The following CRACD variants were observed in gnomAD, a reference collection of about 807,000 sequenced individuals.
The protein encoded by CRACD is capping protein inhibiting regulator of actin dynamics.
In CRACD, 56 loss-of-function variants were observed where a neutral mutation model predicts 106.8. That is an observed-to-expected ratio of 0.52 (90% confidence interval 0.42 to 0.66). CRACD has a LOEUF of 0.66. Ranked by LOEUF, CRACD falls within the 30% of genes least tolerant of loss-of-function variation. CRACD has a pLI of 0.00. For synonymous variants in CRACD, 754 were observed against 670.8 expected (o/e 1.12, Z -1.92); for missense variants, 1,730 against 1,623.2 (o/e 1.07, Z -1.13).
chr4:56,181,633 A>G (rs1450888381), intron 2 of CRACD, among the ~76,000 whole-genome samples: 3 of 152,172 alleles, frequency 2.0e-5, no homozygotes, highest in Non-Finnish European at 4.4e-5. Flanking sequence ...AGTTAGGGCC[A>G]TGCTCCCTGT....
At chr4:56,172,956 A>G (rs961668987) in intron 1 of CRACD, among the ~76,000 whole-genome samples, 5 of 152,100 alleles carry the variant, frequency 3.3e-5, no homozygotes, top group Non-Finnish European at 5.9e-5. Flanking sequence ...AGGTTTCTCC[A>G]TGTTGGTCAG....
intron 10 of CRACD, among the ~76,000 whole-genome samples, chr4:56,326,134 AC>A (rs1746428535): frequency 6.6e-6 from 1 of 152,010 alleles, no homozygotes; most frequent in East Asian, 1.9e-4. Context: ...CTAATCTCGA[AC>A]TCCTGACCTC....
At chr4:56,084,422 A>C (rs191989406) in intron 1 of CRACD, among the ~76,000 whole-genome samples, 1 of 152,298 alleles carries the variant, frequency 6.6e-6, no homozygotes, top group East Asian at 1.9e-4. Context: ...ATGTCTTAGT[A>C]GTTCTGTGAA....
chr4:56,109,734 TGAAAAAAAGTAATCAACA>T (rs1307109799), intron 1 of CRACD, among the ~76,000 whole-genome samples: 2 of 148,840 alleles, frequency 1.3e-5, no homozygotes, highest in African/African-American at 5.0e-5. Context: ...CATAAGTAAA[TGAAAAAAAGTAATCAACA>T]GTTTGGAAGA....
At chr4:56,176,618 G>T (rs898429708) in intron 1 of CRACD, among the ~76,000 whole-genome samples, 1 of 151,908 alleles carries the variant, frequency 6.6e-6, no homozygotes, top group Middle Eastern at 3.4e-3. Context: ...TGTATTTTTG[G>T]TAGAGATGGG....
intron 2 of CRACD, among the ~76,000 whole-genome samples, chr4:56,232,912 A>G (rs955598330): frequency 9.9e-5 from 15 of 151,584 alleles, no homozygotes; most frequent in Non-Finnish European, 2.9e-5. Context: ...TATTTTTAGT[A>G]CAGACGGGGT....
Position 56,229,720 on chromosome 4 carries a change from T to G in CRACD, c.-188-42601T>G, listed in dbSNP as rs181254712. 3.5e-4 allele frequency among the ~76,000 whole-genome samples: 53 copies of G among 152,302 alleles called. No homozygotes were observed. The East Asian group carries it at 8.3e-3, about 24-fold the overall frequency. ...TCATGATCATCATTGTAAACATCCT[T>G]TCTAAATGTACTGTATGGTACCTTC... On this transcript the variant is annotated intron_variant, in intron 2 of 10. Transcript: ENST00000682029.
intron 2 of CRACD, among the ~76,000 whole-genome samples, chr4:56,188,899 C>G (rs187343812): frequency 6.6e-6 from 1 of 151,908 alleles, no homozygotes; most frequent in Non-Finnish European, 1.5e-5. Flanking sequence ...GGGCTGGGTG[C>G]GGTAGCTCAC....
At chr4:56,076,994 C>T (rs943672088) in intron 1 of CRACD, among the ~76,000 whole-genome samples, 2 of 152,174 alleles carry the variant, frequency 1.3e-5, no homozygotes, top group South Asian at 4.1e-4. Context: ...TCCTAATGGA[C>T]ATGGTTTTAT....
intron 1 of CRACD, among the ~76,000 whole-genome samples, chr4:56,072,547 A>G (rs1216297286): frequency 1.3e-5 from 2 of 152,148 alleles, no homozygotes; most frequent in African/African-American, 2.4e-5. Context: ...TAGTATATTC[A>G]CAGAGATGTG....
intron 2 of CRACD, among the ~76,000 whole-genome samples, chr4:56,260,029 G>T (rs949645462): frequency 6.6e-6 from 1 of 152,178 alleles, no homozygotes; most frequent in South Asian, 2.1e-4. Context: ...ACAAGCAACC[G>T]AGGTTTTTGT....
At chr4:56,184,902 A>G (rs1170922429) in intron 2 of CRACD, among the ~76,000 whole-genome samples, 1 of 152,230 alleles carries the variant, frequency 6.6e-6, no homozygotes, top group Admixed American at 6.5e-5. Flanking sequence ...TGAAATTCAC[A>G]TAGCATGAAA....
chr4:56,309,004 G>T, intron 5 of CRACD: 1 of 701,272 alleles, frequency 1.4e-6, no homozygotes, highest in Non-Finnish European at 2.2e-6. Flanking sequence ...ACACCCTAAT[G>T]AGAGGGTGTA....
chr4:56,248,323 T>C (rs1366675053), intron 2 of CRACD, among the ~76,000 whole-genome samples: 1 of 152,208 alleles, frequency 6.6e-6, no homozygotes, highest in South Asian at 2.1e-4. Flanking sequence ...CGCTCATACC[T>C]GGAAGACTCT....
intron 2 of CRACD, among the ~76,000 whole-genome samples, chr4:56,238,476 C>G (rs2109554423): frequency 6.6e-6 from 1 of 152,320 alleles, no homozygotes; most frequent in South Asian, 2.1e-4. Flanking sequence ...CATGCAGCAT[C>G]CCTTCCACCA....
At chr4:56,102,182 C>G (rs1393478374) in intron 1 of CRACD, among the ~76,000 whole-genome samples, 1 of 152,122 alleles carries the variant, frequency 6.6e-6, no homozygotes, top group African/African-American at 2.4e-5. Context: ...GTGATTATAC[C>G]CATTTACACT....
chr4:56,080,596 G>A (rs898931855), intron 1 of CRACD, among the ~76,000 whole-genome samples: 2 of 152,292 alleles, frequency 1.3e-5, no homozygotes, highest in South Asian at 4.1e-4. Flanking sequence ...AGTTAGGCTC[G>A]GATTATAAAC....
chr4:56,279,526 G>A (rs559585969), intron 3 of CRACD, among the ~76,000 whole-genome samples: 51 of 152,122 alleles, frequency 3.4e-4, no homozygotes, highest in African/African-American at 1.1e-3. Context: ...TTATGCAGCC[G>A]AAAGACACAT....
chr4:56,134,934 G>C (rs983826988), intron 1 of CRACD, among the ~76,000 whole-genome samples: 1 of 149,726 alleles, frequency 6.7e-6, no homozygotes, highest in African/African-American at 2.5e-5. Context: ...ATTGATACTG[G>C]CTTTTTTTTT....
Sources: gnomAD v4.1 joint callset for allele counts (sites outside exome capture counted in the v4.1 genomes callset) on GRCh38, gnomAD v4.1.1 for gene constraint, MANE v1.5 for transcripts, NCBI Gene and HGNC (gene_info 2026-07-23, HGNC 2026-07-21) for gene names.